ZNF484: variants seen among roughly 807,000 people sequenced by gnomAD.
ZNF484 encodes KRAB box containing C2H2 type zinc finger bA526D8.4.
In ZNF484, 11 loss-of-function variants were observed where a neutral mutation model predicts 12.9. That is an observed-to-expected ratio of 0.85 (90% CI 0.54 to 1.41). ZNF484 has a LOEUF of 1.41. Among genes scored for constraint, ZNF484 ranks in the 40% most tolerant of loss-of-function variants. The probability of loss-of-function intolerance (pLI) is 0.00; values close to 1 mark genes in which losing one functional copy is unlikely to be tolerated. For missense variants in ZNF484, 807 were observed against 1,007.7 expected (o/e 0.80, Z 2.70); for synonymous variants, 289 against 334.1 (o/e 0.86, Z 1.47).
At chr9:92,867,373 T>C (rs1395659382) in intron 2 of ZNF484, among the ~76,000 whole-genome samples, 3 of 152,098 alleles carry the variant, frequency 2.0e-5, no homozygotes, top group Non-Finnish European at 4.4e-5. Flanking sequence ...TCCCAGCTAC[T>C]TGGGAGGCTG....
Position 92,848,983 on chromosome 9 carries a change from C to T in ZNF484, c.236-432G>A, listed in dbSNP as rs10821028. On this transcript the variant is annotated intron_variant, in intron 4 of 4. Coordinates refer to ENST00000375495, the MANE Select transcript of ZNF484 (RefSeq NM_031486.4). This position sits in a 1 kb window ranked among gnomAD's most constrained non-coding sequence, Gnocchi z 4.1. ...AATACAATAGACCTTTGATTCAGGC[C>T]GGGTGTGGTGGCTCACGCCTGTAAG... 0.27 allele frequency among the ~76,000 whole-genome samples: 41,561 copies of T among 151,210 alleles called. 7,318 individuals are homozygous for T. Among genetic ancestry groups the T allele is most frequent in the African/African-American group, 0.5 (20,542 of 41,242 alleles).
chr9:92,855,819 C>T lies in ZNF484; in HGVS notation c.227G>A (p.Ser76Asn). 1 of 1,614,100 alleles carries T rather than the reference C, an allele frequency of 6.2e-7. No individual in the cohort carries two copies. Among genetic ancestry groups the T allele is most frequent in the African/African-American group, 1.3e-5 (1 of 75,048 alleles). The change falls in exon 4 of 5, where the codon AGC (serine) becomes AAC (asparagine). Residue 76 changes from serine to asparagine, a missense_variant. Coordinates refer to ENST00000375495, the MANE Select transcript of ZNF484 (RefSeq NM_031486.4). ...CTTGGTTCCCTTCTCACCTGGACGG[C>T]TCTGACTGGGGATCTCACCATCCAA... Reference protein sequence around the residue: ...CMLDGEIPSQSRPDGDIGFGP... With the variant: ...CMLDGEIPSQNRPDGDIGFGP...
At chr9:92,868,278 T>C (rs1857226859) in intron 2 of ZNF484, among the ~76,000 whole-genome samples, 1 of 152,144 alleles carries the variant, frequency 6.6e-6, no homozygotes, top group Non-Finnish European at 1.5e-5. Flanking sequence ...GAGTATCGGA[T>C]AGAGAGTAAC....
intron 4 of ZNF484, among the ~76,000 whole-genome samples, chr9:92,853,690 G>A (rs1172283651): frequency 6.6e-6 from 1 of 152,226 alleles, no homozygotes; most frequent in Non-Finnish European, 1.5e-5. Context: ...GGTTAGTTAT[G>A]TATAGGACAG....
intron 2 of ZNF484, among the ~76,000 whole-genome samples, chr9:92,870,283 C>T (rs7853014): frequency 6.6e-4 from 101 of 152,076 alleles, no homozygotes; most frequent in African/African-American, 2.2e-3. Flanking sequence ...CAAGTGCATA[C>T]AAAAAGGCCT....
chr9:92,867,569 A>G (rs6479433), intron 2 of ZNF484, among the ~76,000 whole-genome samples: 101,780 of 152,090 alleles, frequency 0.67, 35,098 homozygotes, highest in African/African-American at 0.84. Context: ...CATGGCACGC[A>G]TATACCTATG....
chr9:92,855,077 A>G (rs909486061), intron 4 of ZNF484, among the ~76,000 whole-genome samples: 6 of 152,226 alleles, frequency 3.9e-5, no homozygotes, highest in Admixed American at 1.3e-4. Flanking sequence ...AAAAGAATAA[A>G]TAAGAGGGGA....
chr9:92,844,989 TATA>T lies in ZNF484; in HGVS notation c.*1236_*1238del, dbSNP rs1405430624. ...CATATAAGAGACAAATAAATGAAAT[TATA>T]ATGTTATAACTTCTCCCCTTGTCCA... On this transcript the variant is annotated 3_prime_UTR_variant, in exon 5 of 5. Transcript: ENST00000375495. 5.3e-5 allele frequency: 8 copies of T among 152,164 alleles called. No individual in the cohort carries two copies. Among genetic ancestry groups the T allele is most frequent in the South Asian group, 4.1e-4 (2 of 4,830 alleles). 9.4% of individuals were successfully genotyped at this position (152,164 alleles called of 1,614,324 possible).
intron 2 of ZNF484, among the ~76,000 whole-genome samples, chr9:92,857,988 C>T (rs1176977724): frequency 6.6e-6 from 1 of 152,164 alleles, no homozygotes; most frequent in Non-Finnish European, 1.5e-5. Flanking sequence ...GACTCCTGAG[C>T]TCAAGTGATC....
chr9:92,854,497 C>T (rs532768872), intron 4 of ZNF484, among the ~76,000 whole-genome samples: 56 of 152,274 alleles, frequency 3.7e-4, no homozygotes, highest in Admixed American at 9.2e-4. Flanking sequence ...GCGGGTGGAT[C>T]ACGAGGTCAG....
rs1433835510 is a variant in ZNF484, at chr9:92,848,111, T to C, written c.676A>G (p.Asn226Asp). ...TGATGCAGAGGTTTCCCACATTGGT[T>C]ACATTCACAAGCAGTCACTTCTGTA... is the stretch of plus-strand genomic sequence containing the variant. ...SHTEVTACEC[N>D]QCGKPLHHKQ... Residue 226 changes from asparagine to aspartate, a missense_variant, in exon 5 of 5, where the codon AAC becomes GAC. Asn to Asp is a conservative substitution (Grantham distance 23, BLOSUM62 1). Coordinates refer to ENST00000375495, the MANE Select transcript of ZNF484 (RefSeq NM_031486.4). The surrounding 1 kb of genome is among the most constrained non-coding windows in gnomAD (Gnocchi z 4.1). 2 of 1,614,120 alleles carry C rather than the reference T, an allele frequency of 1.2e-6. No homozygotes were observed. Among genetic ancestry groups the C allele is most frequent in the African/African-American group, 2.7e-5 (2 of 74,946 alleles).
Position 92,847,303 on chromosome 9 carries a change from G to A in ZNF484, c.1484C>T (p.Pro495Leu). The A allele has an allele frequency of 6.2e-7, 1 of 1,613,894 alleles. No homozygotes were observed. ...CTTACCACACACAGTACATATATAGGGTCTTTCTCCTGTATGAATTTTCTG... is the reference window on the plus strand; with the variant it reads ...CTTACCACACACAGTACATATATAGAGTCTTTCTCCTGTATGAATTTTCTG... ...IHQKIHTGER[P>L]YICTVCGKAF... is the part of the protein sequence containing the mutation. The change falls in exon 5 of 5, where the codon CCC becomes CTC. Residue 495 changes from proline (P) to leucine (L), a missense_variant. Transcript: ENST00000375495.
rs1433248172 is a variant in ZNF484 at position 92,846,636 on chromosome 9, C to A, written c.2151G>T (p.Glu717Asp). ...LIMHQRIHTG[E>D]KPYICNECGK... ...CACATTCATTACAAATATAGGGTTTCTCTCCTGTATGAATTCTCTGATGCA... is the reference window on the plus strand; with the variant it reads ...CACATTCATTACAAATATAGGGTTTATCTCCTGTATGAATTCTCTGATGCA... Residue 717 changes from glutamate to aspartate, a missense_variant, in exon 5 of 5, where the codon GAG (glutamate) becomes GAT (aspartate). Physicochemically the swap from Glu to Asp is conservative, Grantham distance 45. Transcript: ENST00000375495. The A allele has an allele frequency of 9.9e-6, 16 of 1,613,586 alleles. No homozygotes were observed. Among genetic ancestry groups the A allele is most frequent in the African/African-American group, 1.3e-5 (1 of 74,782 alleles).
At chr9:92,866,218 A>G (rs1857062621) in intron 2 of ZNF484, among the ~76,000 whole-genome samples, 2 of 152,208 alleles carry the variant, frequency 1.3e-5, no homozygotes, top group South Asian at 4.1e-4. Context: ...AATCATATGC[A>G]TGTATTACCT....
chr9:92,858,110 A>G (rs1051408984), intron 2 of ZNF484, among the ~76,000 whole-genome samples: 18 of 152,360 alleles, frequency 1.2e-4, no homozygotes, highest in Admixed American at 6.5e-4. Context: ...CATATCCAAA[A>G]TCAGAGAAGG....
At position 92,856,323 on chromosome 9, in the gene ZNF484, TAA is replaced by T. The variant is rs56121719; in HGVS notation, c.16-7_16-6del. 444 of 1,359,794 alleles carry T rather than the reference TAA, an allele frequency of 3.3e-4. No homozygotes were observed. The East Asian group carries it at 5.5e-3, about 17-fold the overall frequency. The allele number at this position is 1,359,794 out of a possible 1,614,324, so 84.2% of individuals were successfully genotyped here. A position where few individuals can be genotyped will look rare whatever the true frequency, so the allele number is the denominator to read the frequency against. On this transcript the variant is annotated splice_region_variant and splice_polypyrimidine_tract_variant and intron_variant, in intron 2 of 4. Coordinates refer to ENST00000375495, the MANE Select transcript of ZNF484 (RefSeq NM_031486.4). ...GTCCTTGAATGACACTGATTCCTGT[TAA>T]AAAAAAAAAACAAACTTTAAAATAA...
chr9:92,849,912 G>GAACA (rs763979175), intron 4 of ZNF484, among the ~76,000 whole-genome samples: 4 of 151,836 alleles, frequency 2.6e-5, no homozygotes, highest in Non-Finnish European at 4.4e-5. Context: ...AGGGATTCTT[G>GAACA]TGCCTCAGCC....
intron 2 of ZNF484, 106 bp from the exon 3 acceptor site, chr9:92,856,424 C>CT (rs1856466050): frequency 1.2e-6 from 1 of 832,298 alleles, no homozygotes; most frequent in African/African-American, 1.7e-5. Context: ...AGAATGGAAA[C>CT]AAGATAGGAC....
chr9:92,877,283 A>T (rs200846750), intron 1 of ZNF484, among the ~76,000 whole-genome samples: 126 of 152,192 alleles, frequency 8.3e-4, no homozygotes, highest in Non-Finnish European at 8.7e-4. Context: ...ATTAATATTA[A>T]AAGAGTAGGG....
Sources: gnomAD v4.1 joint callset for allele counts (sites outside exome capture counted in the v4.1 genomes callset) on GRCh38, gnomAD v4.1.1 for gene constraint, Gnocchi (gnomAD v3.1) non-coding constraint, MANE v1.5 for transcripts, NCBI Gene and HGNC (gene_info 2026-07-23, HGNC 2026-07-21) for gene names.